Variants in FGF14 observed in about 807,000 individuals in gnomAD.
FGF14 encodes fibroblast growth factor homologous factor 4.
A neutral mutation model predicts 25.5 loss-of-function variants in FGF14; 5 were observed. The ratio of observed to expected loss-of-function variants is 0.20; its 90% CI spans 0.10 to 0.41. The LOEUF (loss-of-function observed/expected upper bound fraction) is 0.41, where lower values mean the gene tolerates loss of function less well. FGF14 is among the 10% of genes least tolerant of loss of function. The pLI is 1.00. For missense variants in FGF14, 222 were observed against 320.1 expected, an observed-to-expected ratio of 0.69 and a Z score of 2.34; for synonymous variants, 138 against 118.3, an observed-to-expected ratio of 1.17 and a Z score of -1.08.
chr13:102,114,387 T>C (rs1387157683), intron 1 of FGF14, among the ~76,000 whole-genome samples: 3 of 152,208 alleles, frequency 2.0e-5, no homozygotes, highest in Admixed American at 1.3e-4. Context: ...GACTGTGTCC[T>C]TTCCTGTGCA....
chr13:102,356,691 G>T (rs562261010), intron 1 of FGF14, among the ~76,000 whole-genome samples: 2 of 152,176 alleles, frequency 1.3e-5, no homozygotes, highest in East Asian at 1.9e-4. Flanking sequence ...ACACAACTGG[G>T]ACACAACCCA....
intron 3 of FGF14, among the ~76,000 whole-genome samples, chr13:101,824,396 G>C (rs1290470981): frequency 2.6e-5 from 4 of 152,086 alleles, no homozygotes. Context: ...TCTTCTGTAA[G>C]TTTTTTCACC....
intron 1 of FGF14, among the ~76,000 whole-genome samples, chr13:102,101,928 C>G (rs1399910072): frequency 6.6e-6 from 1 of 152,154 alleles, no homozygotes; most frequent in Non-Finnish European, 1.5e-5. Flanking sequence ...GTCTTGAACT[C>G]CTGACCTCAG....
intron 1 of FGF14, among the ~76,000 whole-genome samples, chr13:101,900,915 TATC>T (rs71668362): frequency 0.016 from 2,432 of 152,298 alleles, 71 homozygotes; most frequent in African/African-American, 0.055. Flanking sequence ...ATGACCTCCA[TATC>T]ATCTTCAATA....
At chr13:102,094,381 A>G (rs117389415) in intron 1 of FGF14, among the ~76,000 whole-genome samples, 68 of 152,342 alleles carry the variant, frequency 4.5e-4, no homozygotes, top group Non-Finnish European at 9.7e-4. Context: ...ATAACAAGAG[A>G]AGCTGTATCT....
At chr13:101,747,437 C>G (rs1477794749) in intron 3 of FGF14, among the ~76,000 whole-genome samples, 1 of 151,932 alleles carries the variant, frequency 6.6e-6, no homozygotes, top group African/African-American at 2.4e-5. Context: ...AAAATTCAAA[C>G]AGATCTAATT....
chr13:102,045,706 T>G (rs544464064), intron 1 of FGF14, among the ~76,000 whole-genome samples: 1 of 152,190 alleles, frequency 6.6e-6, no homozygotes, highest in Non-Finnish European at 1.5e-5. Flanking sequence ...GATGTGTAAT[T>G]ATCTACATCT....
intron 1 of FGF14, among the ~76,000 whole-genome samples, chr13:101,938,860 A>G (rs997684524): frequency 2.0e-5 from 3 of 152,222 alleles, no homozygotes; most frequent in African/African-American, 7.2e-5. Flanking sequence ...TTTTTAGAAA[A>G]TAAGATAACT....
rs2047751138 is a variant in FGF14, at chr13:102,161,670, GAAGAAGAAGAA to G, written c.208+239790_208+239800del. On this transcript the variant is annotated intron_variant, in intron 1 of 4. Transcript: ENST00000376131. ...AGAAGAAGAAGAAGAAGAAGAAGAA[GAAGAAGAAGAA>G]GAAGAAGAAGAAGAAGAAGAAGAAG... Among the ~76,000 whole-genome samples, 5 of 51,756 alleles carry G rather than the reference GAAGAAGAAGAA, an allele frequency of 9.7e-5. 1 individual carries two copies. The highest frequency in any genetic ancestry group is 3.3e-4 in the African/African-American group (5 of 15,314). 34.0% of individuals were successfully genotyped at this position (51,756 alleles called of 152,430 possible).
At chr13:101,776,983 A>T (rs867949362) in intron 3 of FGF14, among the ~76,000 whole-genome samples, 2 of 152,152 alleles carry the variant, frequency 1.3e-5, no homozygotes, top group Admixed American at 1.3e-4. Context: ...AATCCCATTC[A>T]TGCAGGTGTC....
intron 1 of FGF14, among the ~76,000 whole-genome samples, chr13:102,020,952 C>T (rs1044051197): frequency 1.1e-4 from 17 of 150,888 alleles, no homozygotes; most frequent in African/African-American, 4.1e-4. Context: ...AATGGCCTCG[C>T]AGGGAAAAGA....
At chr13:102,020,931 A>G (rs1442910934) in intron 1 of FGF14, among the ~76,000 whole-genome samples, 1 of 152,046 alleles carries the variant, frequency 6.6e-6, no homozygotes, top group Non-Finnish European at 1.5e-5. Context: ...ATAAAAAAAA[A>G]AAGGCTGAAG....
chr13:102,119,709 CGT>C (rs1042032294), intron 1 of FGF14, among the ~76,000 whole-genome samples: 44 of 152,134 alleles, frequency 2.9e-4, no homozygotes, highest in Admixed American at 5.9e-4. Flanking sequence ...TGTGCACACA[CGT>C]GTGTTCCCCT....
At chr13:102,158,360 G>C (rs1175055277) in intron 1 of FGF14, among the ~76,000 whole-genome samples, 2 of 152,132 alleles carry the variant, frequency 1.3e-5, no homozygotes, top group African/African-American at 4.8e-5. Flanking sequence ...ATGAGTTCAC[G>C]TCCTTTGCAG....
intron 1 of FGF14, among the ~76,000 whole-genome samples, chr13:101,928,810 A>G (rs2034549303): frequency 6.6e-6 from 1 of 151,534 alleles, no homozygotes; most frequent in Non-Finnish European, 1.5e-5. Context: ...AAGAGTGGCC[A>G]TTATACTCTC....
chr13:102,320,671 C>T (rs2056210465), intron 1 of FGF14, among the ~76,000 whole-genome samples: 1 of 152,114 alleles, frequency 6.6e-6, no homozygotes, highest in African/African-American at 2.4e-5. Flanking sequence ...CTTTGAAAGC[C>T]AATGTGGGAG....
chr13:102,054,251 T>C (rs1444435702), intron 1 of FGF14, among the ~76,000 whole-genome samples: 1 of 152,190 alleles, frequency 6.6e-6, no homozygotes, highest in Non-Finnish European at 1.5e-5. Context: ...TTTCTCACAC[T>C]TTTTGATGTG....
At chr13:102,353,845 G>A (rs2057355086) in intron 1 of FGF14, among the ~76,000 whole-genome samples, 1 of 152,036 alleles carries the variant, frequency 6.6e-6, no homozygotes. Context: ...CAACCATCAG[G>A]CTCTTCTAAG....
At chr13:102,263,194 G>T (rs2052805245) in intron 1 of FGF14, 1 of 546,356 alleles carries the variant, frequency 1.8e-6, no homozygotes, top group Non-Finnish European at 3.6e-6. Context: ...TAAAAGTCTT[G>T]TGAGAAGACA....
Sources: gnomAD v4.1 joint callset for allele counts (sites outside exome capture counted in the v4.1 genomes callset) on GRCh38, gnomAD v4.1.1 for gene constraint, MANE v1.5 for transcripts, NCBI Gene and HGNC (gene_info 2026-07-23, HGNC 2026-07-21) for gene names.